Variants in FTO observed in about 807,000 individuals in gnomAD.
The protein encoded by FTO is FTO alpha-ketoglutarate dependent dioxygenase.
In FTO, 47 loss-of-function variants were observed where a neutral mutation model predicts 63.9. The observed-to-expected ratio is 0.74, with a 90% CI of 0.58 to 0.94. The LOEUF (loss-of-function observed/expected upper bound fraction) is 0.94. FTO is among the 40% of genes least tolerant of loss of function. The pLI is 0.00. For synonymous variants in FTO, 207 were observed against 224.4 expected (o/e 0.92, Z 0.69); for missense variants, 562 against 618.1 (o/e 0.91, Z 0.96).
At chr16:53,890,089 A>G (rs2081108769) in intron 7 of FTO, among the ~76,000 whole-genome samples, 1 of 152,108 alleles carries the variant, frequency 6.6e-6, no homozygotes, top group South Asian at 2.1e-4. Context: ...TCACCACCTC[A>G]CTGTTCTGCC....
chr16:53,972,325 G>A (rs1455437229), intron 8 of FTO, among the ~76,000 whole-genome samples: 1 of 151,920 alleles, frequency 6.6e-6, no homozygotes, highest in Non-Finnish European at 1.5e-5. Context: ...TACGTGTGTT[G>A]AAGATATTGG....
intron 8 of FTO, among the ~76,000 whole-genome samples, chr16:54,111,322 A>G (rs1171268786): frequency 6.6e-6 from 1 of 152,164 alleles, no homozygotes; most frequent in African/African-American, 2.4e-5. Flanking sequence ...AATATTGTTT[A>G]ATCTATTCTT....
intron 1 of FTO, among the ~76,000 whole-genome samples, chr16:53,713,869 A>G (rs1264833243): frequency 6.6e-6 from 1 of 152,142 alleles, no homozygotes; most frequent in Non-Finnish European, 1.5e-5. Context: ...ATGCCGCTTG[A>G]TTAGCTCTTT....
intron 8 of FTO, among the ~76,000 whole-genome samples, chr16:54,107,937 G>T (rs1161421893): frequency 6.6e-6 from 1 of 152,082 alleles, no homozygotes; most frequent in Non-Finnish European, 1.5e-5. Flanking sequence ...CCCATATTGG[G>T]TCATGTGCCT....
At chr16:53,719,352 C>A (rs2075978605) in intron 1 of FTO, among the ~76,000 whole-genome samples, 1 of 151,640 alleles carries the variant, frequency 6.6e-6, no homozygotes, top group Non-Finnish European at 1.5e-5. Flanking sequence ...CTGCTTCAGC[C>A]CCCCGAGTAG....
At chr16:53,918,662 T>C (rs981091849) in intron 7 of FTO, among the ~76,000 whole-genome samples, 2 of 152,204 alleles carry the variant, frequency 1.3e-5, no homozygotes, top group Non-Finnish European at 2.9e-5. Context: ...TCCCCCTTGG[T>C]CATCCTCCAC....
intron 8 of FTO, among the ~76,000 whole-genome samples, chr16:54,083,156 A>G (rs1407663541): frequency 6.6e-6 from 1 of 152,178 alleles, no homozygotes; most frequent in Non-Finnish European, 1.5e-5. Flanking sequence ...ATTACAGATA[A>G]GACTATTATT....
At chr16:53,722,810 A>G (rs1406693919) in intron 1 of FTO, among the ~76,000 whole-genome samples, 1 of 143,954 alleles carries the variant, frequency 6.9e-6, no homozygotes, top group Non-Finnish European at 1.5e-5. Flanking sequence ...CCTGGATGAC[A>G]GGGTGAGACG....
rs115359788 is a variant in FTO at position 53,803,690 on chromosome 16, T to C, written c.46-6450T>C. Among the ~76,000 whole-genome samples, 1,086 of 152,292 alleles carry C rather than the reference T, an allele frequency of 7.1e-3. 14 individuals carry two copies. The highest frequency in any genetic ancestry group is 0.025 in the African/African-American group (1,024 of 41,566). ...ACTAAGAATGTGAGTTGTGATTCTTTCATAAGCAGCAGTATAGTCTCTTGC... is the reference window on the plus strand; with the variant it reads ...ACTAAGAATGTGAGTTGTGATTCTTCCATAAGCAGCAGTATAGTCTCTTGC... On this transcript the variant is annotated intron_variant, in intron 1 of 8. Transcript: ENST00000471389.
intron 7 of FTO, 77 bp downstream of exon 7, chr16:53,889,028 G>A: frequency 1.4e-6 from 2 of 1,477,808 alleles, no homozygotes; most frequent in South Asian, 2.3e-5. Context: ...ATTTGCTTAG[G>A]CAAATGTAGA....
chr16:53,849,437 T>C (rs894158713), intron 4 of FTO, among the ~76,000 whole-genome samples: 2 of 152,230 alleles, frequency 1.3e-5, no homozygotes, highest in Non-Finnish European at 2.9e-5. Flanking sequence ...CCCAGAGTTT[T>C]GTCACCTTCA....
chr16:54,034,303 A>G (rs1382756355), intron 8 of FTO, among the ~76,000 whole-genome samples: 1 of 152,202 alleles, frequency 6.6e-6, no homozygotes. Context: ...TTGCTTTTCC[A>G]TTTTAAAACC....
intron 1 of FTO, among the ~76,000 whole-genome samples, chr16:53,735,308 T>TAATAGTCTAGGTTATTGCTAG (rs2076366759): frequency 1.3e-5 from 2 of 152,210 alleles, no homozygotes; most frequent in Non-Finnish European, 2.9e-5. Context: ...ACACAGGAGA[T>TAATAGTCTAGGTTATTGCTAG]ACTGCAGTGA....
At chr16:53,963,678 C>T (rs1306030223) in intron 8 of FTO, among the ~76,000 whole-genome samples, 2 of 152,198 alleles carry the variant, frequency 1.3e-5, no homozygotes, top group Non-Finnish European at 2.9e-5. Context: ...TGTAAGTTTC[C>T]TGAGGCCTCC....
At chr16:53,748,097 AG>A (rs1178393530) in intron 1 of FTO, among the ~76,000 whole-genome samples, 2 of 152,036 alleles carry the variant, frequency 1.3e-5, no homozygotes, top group Non-Finnish European at 2.9e-5. Flanking sequence ...TGATGCCTCC[AG>A]CTTTGTTCTT....
At chr16:54,059,108 C>T (rs1213887951) in intron 8 of FTO, among the ~76,000 whole-genome samples, 1 of 152,180 alleles carries the variant, frequency 6.6e-6, no homozygotes, top group South Asian at 2.1e-4. Flanking sequence ...GTAGTTTACA[C>T]ACATTTGCTC....
chr16:53,774,852 T>C (rs567110567), intron 1 of FTO, among the ~76,000 whole-genome samples: 16 of 152,242 alleles, frequency 1.1e-4, no homozygotes, highest in African/African-American at 3.1e-4. Context: ...ATAGTTGTAG[T>C]TGGGATCAGG....
At chr16:53,908,532 C>T (rs1039077092) in intron 7 of FTO, among the ~76,000 whole-genome samples, 1 of 152,220 alleles carries the variant, frequency 6.6e-6, no homozygotes, top group East Asian at 1.9e-4. Context: ...TGGCTACCAG[C>T]CTTTTCCTGT....
intron 1 of FTO, among the ~76,000 whole-genome samples, chr16:53,795,466 T>TGC (rs202208672): frequency 1.3e-5 from 2 of 151,756 alleles, no homozygotes; most frequent in South Asian, 2.1e-4. Context: ...TGTGTGTGTG[T>TGC]GCGTGCGTGT....
Sources: gnomAD v4.1 joint callset for allele counts (sites outside exome capture counted in the v4.1 genomes callset) on GRCh38, gnomAD v4.1.1 for gene constraint, MANE v1.5 for transcripts, NCBI Gene and HGNC (gene_info 2026-07-23, HGNC 2026-07-21) for gene names.